ESRP1: variants seen among roughly 807,000 people sequenced by gnomAD.
The protein encoded by ESRP1 is epithelial splicing regulatory protein 1.
In ESRP1, 33 loss-of-function variants were observed where a neutral mutation model predicts 81.7. The ratio of observed to expected loss-of-function variants is 0.40; its 90% CI spans 0.31 to 0.54. ESRP1 has a LOEUF of 0.54. Ranked by LOEUF, ESRP1 falls within the 20% of genes least tolerant of loss-of-function variation. ESRP1 has a pLI of 0.41. For synonymous variants in ESRP1, 320 were observed against 303.3 expected (o/e 1.06, Z -0.57); for missense variants, 672 against 833.1 (o/e 0.81, Z 2.38).
chr8:94,690,299 T>G (rs1809344711), intron 13 of ESRP1, among the ~76,000 whole-genome samples: 1 of 113,636 alleles, frequency 8.8e-6, no homozygotes, highest in East Asian at 2.6e-4. Context: ...TTTTTTTTTT[T>G]TTTTTGGATT....
rs141654162 is a variant in ESRP1 at position 94,665,081 on chromosome 8, C to T, written c.888+22C>T. On this transcript the variant is annotated intron_variant, in intron 8 of 15. Transcript: ENST00000433389. ...TGAGGTATGTCCTCAAAACCTGAAC[C>T]CCTGGACATCGTGAATGAGAATTAA... 4.2e-4 allele frequency: 675 copies of T among 1,613,536 alleles called. 1 individual carries two copies. The highest frequency in any genetic ancestry group is 5.4e-4 in the Non-Finnish European group (641 of 1,179,798).
chr8:94,662,429 A>G (rs1229184023), intron 5 of ESRP1, 59 bp downstream of exon 5: 4 of 1,539,868 alleles, frequency 2.6e-6, no homozygotes, highest in Admixed American at 2.0e-5. Flanking sequence ...TCTCTTACCT[A>G]TACTCAAATT....
chr8:94,679,288 T>C (rs1428446049), intron 13 of ESRP1, among the ~76,000 whole-genome samples: 1 of 152,242 alleles, frequency 6.6e-6, no homozygotes, highest in Non-Finnish European at 1.5e-5. Flanking sequence ...GCTATGACAG[T>C]TGTCAGCTAG....
At chr8:94,691,486 G>T (rs971546695) in intron 13 of ESRP1, among the ~76,000 whole-genome samples, 1 of 152,310 alleles carries the variant, frequency 6.6e-6, no homozygotes, top group East Asian at 1.9e-4. Flanking sequence ...GAAGTAATTT[G>T]ATATGTTAAG....
intron 13 of ESRP1, among the ~76,000 whole-genome samples, chr8:94,679,605 C>T (rs1420742744): frequency 1.3e-5 from 2 of 152,136 alleles, no homozygotes; most frequent in Non-Finnish European, 2.9e-5. Flanking sequence ...AAGGAACTGA[C>T]ATTTATGGCT....
chr8:94,642,574 C>G (rs1393464964), intron 2 of ESRP1, among the ~76,000 whole-genome samples: 1 of 152,144 alleles, frequency 6.6e-6, no homozygotes, highest in Admixed American at 6.5e-5. Flanking sequence ...TTCTGAACTC[C>G]CAACGAAAGG....
At chr8:94,688,362 A>G in intron 13 of ESRP1, 1 of 271,278 alleles carries the variant, frequency 3.7e-6, no homozygotes, top group Non-Finnish European at 7.2e-6. Flanking sequence ...AAGCATGGTT[A>G]CAATGGCGAA....
rs148374001 is a variant in ESRP1, at chr8:94,664,852, A to G, written c.755+45A>G. The G allele has an allele frequency of 4.4e-4, 704 of 1,609,436 alleles. 4 individuals are homozygous for G. In the African/African-American group the frequency reaches 7.9e-3, roughly 18 times the overall value. On this transcript the variant is annotated intron_variant, in intron 7 of 15. Transcript: ENST00000433389. ...TATTTTACTTAACAATCCCAAAGGG[A>G]TAATGGATTTTCTATCTTTTTTTTC...
intron 13 of ESRP1, among the ~76,000 whole-genome samples, chr8:94,679,849 C>T (rs991090988): frequency 2.0e-5 from 3 of 152,022 alleles, no homozygotes. Context: ...ACTGTCTAAT[C>T]GTTCCTTCTT....
intron 13 of ESRP1, among the ~76,000 whole-genome samples, chr8:94,679,528 C>T (rs1267720402): frequency 6.6e-6 from 1 of 152,142 alleles, no homozygotes; most frequent in Non-Finnish European, 1.5e-5. Context: ...CTACTTGCCA[C>T]CTGAGTAGTG....
intron 13 of ESRP1, among the ~76,000 whole-genome samples, chr8:94,680,993 A>T (rs762320464): frequency 3.8e-4 from 57 of 151,814 alleles, no homozygotes; most frequent in Non-Finnish European, 8.0e-4. Context: ...ACTGGAAGCC[A>T]GTAGTTAGAC....
chr8:94,651,622 T>C (rs1224608359), intron 4 of ESRP1, among the ~76,000 whole-genome samples: 1 of 151,858 alleles, frequency 6.6e-6, no homozygotes, highest in Non-Finnish European at 1.5e-5. Flanking sequence ...AGGAATTTTT[T>C]TTTCTTTTTT....
At position 94,649,077 on chromosome 8, in the gene ESRP1, C is replaced by T. The variant is rs539550974; in HGVS notation, c.490+2795C>T. ...CTCTGCTAAAAATAGAAAAATTAGC[C>T]GGGCATGATGACGCACATCTGTAAT... On this transcript the variant is annotated intron_variant, in intron 4 of 15. Coordinates refer to ENST00000433389, the MANE Select transcript of ESRP1 (RefSeq NM_017697.4). 2.9e-4 allele frequency among the ~76,000 whole-genome samples: 44 copies of T among 152,190 alleles called. No homozygotes were observed. The South Asian group carries it at 8.1e-3, about 28-fold the overall frequency.
intron 6 of ESRP1, among the ~76,000 whole-genome samples, chr8:94,664,158 C>G (rs1818896010): frequency 8.3e-6 from 1 of 120,652 alleles, no homozygotes; most frequent in Non-Finnish European, 1.6e-5. Flanking sequence ...GAGTCTTGCT[C>G]TATTGCCCAG....
chr8:94,656,968 A>C (rs947361072), intron 4 of ESRP1, among the ~76,000 whole-genome samples: 2 of 152,220 alleles, frequency 1.3e-5, no homozygotes, highest in Non-Finnish European at 2.9e-5. Flanking sequence ...TAAACCATAA[A>C]ATTTCTCTCT....
intron 4 of ESRP1, among the ~76,000 whole-genome samples, chr8:94,656,529 T>C (rs4735314): frequency 0.19 from 28,982 of 152,204 alleles, 3,319 homozygotes; most frequent in African/African-American, 0.31. Flanking sequence ...CCCATAAAGG[T>C]AACTCTTTTA....
rs188996110 is a variant in ESRP1, at chr8:94,646,068, T to C, written c.376-100T>C. ...TTACATTAAATTTTAAATTTTTCCA[T>C]TGTAAAATATGCTTATATTCAATTT... On this transcript the variant is annotated intron_variant, in intron 3 of 15. Transcript: ENST00000433389. The C allele has an allele frequency of 5.9e-3, 3,553 of 607,222 alleles. 100 individuals carry two copies. In the African/African-American group the frequency reaches 0.061, roughly 10 times the overall value. The allele number at this position is 607,222 out of a possible 1,614,324, so 37.6% of individuals were successfully genotyped here.
At chr8:94,672,164 A>G (rs1819362461) in intron 11 of ESRP1, among the ~76,000 whole-genome samples, 1 of 152,210 alleles carries the variant, frequency 6.6e-6, no homozygotes, top group Non-Finnish European at 1.5e-5. Context: ...CTGTTCCAGA[A>G]TATTTTGTAT....
chr8:94,649,543 C>T (rs1369905226), intron 4 of ESRP1: 2 of 152,090 alleles, frequency 1.3e-5, no homozygotes, highest in East Asian at 1.9e-4. Flanking sequence ...GACAGAGCCT[C>T]CCTCTGTTAC....
Sources: gnomAD v4.1 joint callset for allele counts (sites outside exome capture counted in the v4.1 genomes callset) on GRCh38, gnomAD v4.1.1 for gene constraint, MANE v1.5 for transcripts, NCBI Gene and HGNC (gene_info 2026-07-23, HGNC 2026-07-21) for gene names.